The following PARVA variants were observed in gnomAD, a reference collection of about 807,000 sequenced individuals.
The protein encoded by PARVA is parvin alpha, also known as alpha-parvin.
PARVA carries 25 observed loss-of-function variants against 52.6 expected under a neutral mutation model. That is an observed-to-expected ratio of 0.48 (90% CI 0.35 to 0.66). PARVA has a LOEUF of 0.66. PARVA is among the 30% of genes least tolerant of loss of function. The probability of loss-of-function intolerance (pLI) is 0.01; values close to 1 mark genes in which losing one functional copy is unlikely to be tolerated. For missense variants in PARVA, 373 were observed against 450.9 expected, an observed-to-expected ratio of 0.83 and a Z score of 1.56; for synonymous variants, 185 against 179.1, an observed-to-expected ratio of 1.03 and a Z score of -0.26.
rs752541701 is a variant in PARVA, at chr11:12,377,696, C to G, written c.49C>G (p.Pro17Ala). 1.9e-6 allele frequency: 3 copies of G among 1,567,018 alleles called. No homozygotes were observed. Among genetic ancestry groups the G allele is most frequent in the African/African-American group, 2.8e-5 (2 of 70,332 alleles). ...KSPSVPKSPT[P>A]KSPPSRKKDD... ...GCCTTCTGTCCCCAAGTCTCCCACT[C>G]CCAAGTCGCCCCCGTCCCGCAAGAA... The change falls in exon 1 of 13, where the codon CCC becomes GCC. Residue 17 changes from proline to alanine, a missense_variant. Transcript: ENST00000334956.
intron 4 of PARVA, among the ~76,000 whole-genome samples, chr11:12,489,631 G>A (rs1941206072): frequency 6.6e-6 from 1 of 152,098 alleles, no homozygotes. Context: ...TCAGATTCAG[G>A]GAGCTCAGTG....
At chr11:12,485,509 A>C (rs911231531) in intron 4 of PARVA, among the ~76,000 whole-genome samples, 35 of 152,226 alleles carry the variant, frequency 2.3e-4, no homozygotes, top group Non-Finnish European at 4.4e-5. Flanking sequence ...GAAAATGTCC[A>C]AAACCAACCT....
chr11:12,464,913 GTTAGTTTCGGGA>G (rs1437467795), intron 1 of PARVA, among the ~76,000 whole-genome samples: 2 of 152,128 alleles, frequency 1.3e-5, no homozygotes, highest in African/African-American at 4.8e-5. Flanking sequence ...TTGGGTCGGG[GTTAGTTTCGGGA>G]TGAAACTGTT....
rs757088528 is a variant in PARVA, at chr11:12,496,520, C to CA, written c.468dup (p.Leu157ThrfsTer10). Reference sequence around the variant, plus strand: ...CACCCAGTCAGAGATTGCTCAGAAGCAAAAACTGCAGACTGTCCTGGAGAA... The same window carrying CA: ...CACCCAGTCAGAGATTGCTCAGAAGCAAAAAACTGCAGACTGTCCTGGAGAA... On this transcript the variant is annotated frameshift_variant, in exon 5 of 13. Transcript: ENST00000334956. LOFTEE classifies it high-confidence loss of function. The CA allele has an allele frequency of 6.2e-7, 1 of 1,609,934 alleles. No homozygotes were observed. Among genetic ancestry groups the CA allele is most frequent in the Non-Finnish European group, 8.5e-7 (1 of 1,178,190 alleles).
At chr11:12,515,438 C>G (rs531447212) in intron 10 of PARVA, among the ~76,000 whole-genome samples, 2 of 152,240 alleles carry the variant, frequency 1.3e-5, no homozygotes, top group Admixed American at 6.5e-5. Flanking sequence ...CTTGAGTGAG[C>G]TAGAATGGGC....
At chr11:12,445,934 T>G (rs1463690549) in intron 1 of PARVA, among the ~76,000 whole-genome samples, 1 of 152,194 alleles carries the variant, frequency 6.6e-6, no homozygotes, top group Non-Finnish European at 1.5e-5. Context: ...AAAGAGCTAA[T>G]TTTTTAAATA....
At chr11:12,419,393 A>G (rs7949736) in intron 1 of PARVA, among the ~76,000 whole-genome samples, 4,871 of 151,426 alleles carry the variant, frequency 0.032, 269 homozygotes, top group African/African-American at 0.11. Context: ...TGACTGACTT[A>G]CTTCACTCAG....
Position 12,439,798 on chromosome 11 carries a change from C to T in PARVA, c.137-33947C>T, listed in dbSNP as rs550792981. On this transcript the variant is annotated intron_variant, in intron 1 of 12. Transcript: ENST00000334956. Reference sequence around the variant, plus strand: ...AGCAAAGTACATTTACATTTCAAAGCCTCTGCACTTCCTGTTTCTTCTTCC... The same window carrying T: ...AGCAAAGTACATTTACATTTCAAAGTCTCTGCACTTCCTGTTTCTTCTTCC... 2.6e-5 allele frequency among the ~76,000 whole-genome samples: 4 copies of T among 152,302 alleles called. No homozygotes were observed. The South Asian group carries it at 8.3e-4, about 32-fold the overall frequency.
rs1398780192 is a variant in PARVA, at chr11:12,474,217, T to C, written c.297+234T>C. ...GGTGCTGGTCACAGCACCAGACAGT[T>C]CAGTACAGGTAAGCTCACGATGGCC... On this transcript the variant is annotated intron_variant, in intron 3 of 12. Coordinates refer to ENST00000334956, the MANE Select transcript of PARVA (RefSeq NM_018222.5). Among the ~76,000 whole-genome samples the C allele has an allele frequency of 2.0e-5, 3 of 152,198 alleles. No homozygotes were observed. The East Asian group carries it at 5.8e-4, about 29-fold the overall frequency.
chr11:12,477,510 TAAG>T (rs1306308156), intron 3 of PARVA, among the ~76,000 whole-genome samples: 1 of 152,164 alleles, frequency 6.6e-6, no homozygotes, highest in Non-Finnish European at 1.5e-5. Context: ...ATCTGAAAAT[TAAG>T]AAGGCCAGTA....
intron 1 of PARVA, among the ~76,000 whole-genome samples, chr11:12,380,239 T>G (rs1374200044): frequency 7.1e-6 from 1 of 140,244 alleles, no homozygotes; most frequent in Non-Finnish European, 1.5e-5. Context: ...AAAGGGCTAT[T>G]GACAGAGCTG....
intron 1 of PARVA, among the ~76,000 whole-genome samples, chr11:12,415,742 G>A (rs1180436480): frequency 6.6e-6 from 1 of 152,106 alleles, no homozygotes; most frequent in African/African-American, 2.4e-5. Flanking sequence ...AATTTTATTT[G>A]CTCTGATATC....
chr11:12,380,179 T>C (rs538962960), intron 1 of PARVA, among the ~76,000 whole-genome samples: 27 of 140,536 alleles, frequency 1.9e-4, no homozygotes, highest in Admixed American at 1.8e-3. Context: ...ACAGGGTCCC[T>C]GCAGGAAAAA....
chr11:12,501,732 A>T (rs1166751089), intron 5 of PARVA, among the ~76,000 whole-genome samples: 2 of 152,164 alleles, frequency 1.3e-5, no homozygotes, highest in Non-Finnish European at 2.9e-5. Context: ...CGTAGTATGT[A>T]TGTGTGTGAG....
intron 7 of PARVA, among the ~76,000 whole-genome samples, chr11:12,510,620 G>A (rs1941492412): frequency 6.6e-6 from 1 of 152,180 alleles, no homozygotes; most frequent in Non-Finnish European, 1.5e-5. Context: ...CATGGCCGGG[G>A]AGGCCTCAGA....
chr11:12,377,249 G>A (rs1176200272), upstream of PARVA: 4 of 398,216 alleles, frequency 1.0e-5, no homozygotes, highest in Non-Finnish European at 8.6e-6. Flanking sequence ...CGGGAGAGTA[G>A]CAGGGTTGGG....
In PARVA at chr11:12,533,943, C is replaced by T. The variant is rs1325228684; in HGVS notation, c.*6018C>T. On this transcript the variant is annotated 3_prime_UTR_variant, in exon 13 of 13. Coordinates refer to ENST00000334956, the MANE Select transcript of PARVA (RefSeq NM_018222.5). The stretch of plus-strand genomic sequence containing the variant: ...CAGCACTTTGGGAGGCCGAGACGGA[C>T]AGATCACAAGGTCAGGAGATTGAGA... 1.3e-5 allele frequency among the ~76,000 whole-genome samples: 2 copies of T among 151,962 alleles called. No individual in the cohort carries two copies. Among genetic ancestry groups the T allele is most frequent in the Non-Finnish European group, 2.9e-5 (2 of 68,018 alleles).
chr11:12,406,103 G>T (rs1939901987), intron 1 of PARVA, among the ~76,000 whole-genome samples: 1 of 152,234 alleles, frequency 6.6e-6, no homozygotes, highest in South Asian at 2.1e-4. Context: ...AACAGAACCA[G>T]TAGGGAAGAT....
chr11:12,417,139 A>G (rs2134980511), intron 1 of PARVA, among the ~76,000 whole-genome samples: 1 of 152,344 alleles, frequency 6.6e-6, no homozygotes, highest in South Asian at 2.1e-4. Context: ...AGATTTATGC[A>G]TATTACAAAA....
Sources: allele counts gnomAD v4.1 joint callset (sites outside exome capture counted in the v4.1 genomes callset), GRCh38; gene constraint gnomAD v4.1.1; transcripts MANE v1.5; gene names NCBI Gene and HGNC (gene_info 2026-07-23, HGNC 2026-07-21).